Variants in CYB5RL observed in about 807,000 individuals in gnomAD.
CYB5RL encodes the protein cytochrome b5 reductase like, also known as NADH-cytochrome b5 reductase-like.
A neutral mutation model predicts 37.5 loss-of-function variants in CYB5RL; 38 were observed. The observed-to-expected ratio is 1.01, with a 90% CI of 0.78 to 1.33. The LOEUF is 1.33. Ranked by LOEUF, CYB5RL falls within the 40% of genes most tolerant of loss-of-function variation. The pLI is 0.00. For missense variants in CYB5RL, 388 were observed against 394.4 expected (o/e 0.98, Z 0.14); for synonymous variants, 141 against 151.9 (o/e 0.93, Z 0.53).
chr1:54,192,031 C>T (rs756027667), intron 3 of CYB5RL, among the ~76,000 whole-genome samples: 42 of 151,976 alleles, frequency 2.8e-4, no homozygotes, highest in Non-Finnish European at 5.0e-4. Context: ...AGATGAGATA[C>T]AATGTAAAAA....
intron 1 of CYB5RL, among the ~76,000 whole-genome samples, chr1:54,198,115 T>A (rs1446574578): frequency 6.6e-6 from 1 of 150,408 alleles, no homozygotes; most frequent in Non-Finnish European, 1.5e-5. Flanking sequence ...ATATGGAAGG[T>A]TCCCTATGAC....
At position 54,171,512 on chromosome 1, in the gene CYB5RL, C is replaced by T. The variant is rs188168895; in HGVS notation, c.*3107G>A. 6.8e-6 allele frequency: 3 copies of T among 442,120 alleles called. No homozygotes were observed. Among genetic ancestry groups the T allele is most frequent in the African/African-American group, 4.0e-5 (2 of 49,832 alleles). 27.4% of individuals were successfully genotyped at this position (442,120 alleles called of 1,614,324 possible). On this transcript the variant is annotated 3_prime_UTR_variant, in exon 8 of 8. Transcript: ENST00000534324. ...GTGACGTTGGTAAACATGGTGAGGG[C>T]TGAACTAAAGCCAATGCCGCTTCTG...
intron 3 of CYB5RL, among the ~76,000 whole-genome samples, chr1:54,192,207 T>TA (rs942030066): frequency 7.0e-6 from 1 of 142,512 alleles, no homozygotes; most frequent in African/African-American, 2.6e-5. Flanking sequence ...TTTTTTGAGA[T>TA]AGAGTCTCGC....
intron 6 of CYB5RL, among the ~76,000 whole-genome samples, chr1:54,182,649 A>G (rs2100465469): frequency 6.6e-6 from 1 of 152,300 alleles, no homozygotes; most frequent in African/African-American, 2.4e-5. Flanking sequence ...TTCTGGGTTC[A>G]AATGATTCTC....
chr1:54,174,066 A>G lies in CYB5RL; in HGVS notation c.*553T>C, dbSNP rs1413733711. ...CCAATACAAGACAGTCGAGGGCCCC[A>G]CCTTGCTCTCAGGATGTGGTCAAGT... On this transcript the variant is annotated 3_prime_UTR_variant, in exon 8 of 8. Transcript: ENST00000534324. 6.2e-6 allele frequency: 1 copy of G among 161,560 alleles called. No homozygotes were observed. Among genetic ancestry groups the G allele is most frequent in the African/African-American group, 2.4e-5 (1 of 41,636 alleles). The allele number at this position is 161,560 out of a possible 1,614,324, so 10.0% of individuals were successfully genotyped here. A position where few individuals can be genotyped will look rare whatever the true frequency, so the allele number is the denominator to read the frequency against.
At chr1:54,198,056 A>AAAAAAAAAAAG (rs1348276688) in intron 1 of CYB5RL, among the ~76,000 whole-genome samples, 1 of 138,542 alleles carries the variant, frequency 7.2e-6, no homozygotes. Context: ...AAAAAAAAAA[A>AAAAAAAAAAAG]GGGTGGTATC....
Position 54,179,320 on chromosome 1 carries a change from C to T in CYB5RL, c.573G>A (p.Thr191=), listed in dbSNP as rs201981542. The change falls in exon 7 of 8, where the codon ACG becomes ACA. Residue 191 remains threonine (T), a synonymous_variant. Coordinates refer to ENST00000534324, the MANE Select transcript of CYB5RL (RefSeq NM_001031672.4). ...YGELLLLAAG[T]GLAPMVPILQ... Reference sequence around the variant, plus strand: ...GGATAGGCACCATGGGGGCCAGGCCCGTGCCCGCAGCCAGCAAGAGGAGCT... The same window carrying T: ...GGATAGGCACCATGGGGGCCAGGCCTGTGCCCGCAGCCAGCAAGAGGAGCT... 3.0e-5 allele frequency: 49 copies of T among 1,613,448 alleles called. No individual in the cohort carries two copies. Among genetic ancestry groups the T allele is most frequent in the East Asian group, 6.7e-5 (3 of 44,888 alleles).
chr1:54,190,766 C>T lies in CYB5RL; in HGVS notation c.329G>A (p.Gly110Asp), dbSNP rs780299398. 6.4e-7 allele frequency: 1 copy of T among 1,554,606 alleles called. No individual in the cohort carries two copies. ...AGTGTACCGTAGGATGAGGTGCTGG[C>T]CGGGCCGCAGGCCAAGCTGGCTGTT... ...PGNSQLGLRPGQHLILRGIVD... is the reference protein window; with the variant it reads ...PGNSQLGLRPDQHLILRGIVD... Residue 110 changes from glycine (G) to aspartate (D), a missense_variant, in exon 4 of 8, where the codon GGC (glycine) becomes GAC (aspartate). Coordinates refer to ENST00000534324, the MANE Select transcript of CYB5RL (RefSeq NM_001031672.4).
At chr1:54,175,274 T>A (rs1031172846) in intron 7 of CYB5RL, among the ~76,000 whole-genome samples, 1 of 152,214 alleles carries the variant, frequency 6.6e-6, no homozygotes. Context: ...TAGCAGATAT[T>A]TACCAAGTGC....
At chr1:54,189,005 A>G (rs914198645) in intron 4 of CYB5RL, among the ~76,000 whole-genome samples, 8 of 152,168 alleles carry the variant, frequency 5.3e-5, no homozygotes, top group Non-Finnish European at 1.0e-4. Context: ...CAACATGGTG[A>G]AACCCCATCT....
intron 5 of CYB5RL, chr1:54,186,105 T>C (rs1643893929): frequency 6.5e-6 from 1 of 153,552 alleles, no homozygotes; most frequent in African/African-American, 2.4e-5. Context: ...CTCAGGTATG[T>C]CCTTATCAGC....
At chr1:54,193,292 A>G (rs1034554001) in intron 3 of CYB5RL, among the ~76,000 whole-genome samples, 4 of 152,350 alleles carry the variant, frequency 2.6e-5, no homozygotes, top group African/African-American at 7.2e-5. Flanking sequence ...CTTCTCTTCC[A>G]GAACTGATAT....
Position 54,190,197 on chromosome 1 carries a change from G to A in CYB5RL, c.347+551C>T, listed in dbSNP as rs556064234. Among the ~76,000 whole-genome samples the A allele has an allele frequency of 8.1e-4, 124 of 152,326 alleles. 1 individual carries two copies. Among genetic ancestry groups the A allele is most frequent in the African/African-American group, 3.0e-3 (124 of 41,576 alleles). On this transcript the variant is annotated intron_variant, in intron 4 of 7. Transcript: ENST00000534324. ...GCCTAAGTAGGCTGGGAGGAAGTAG[G>A]AACCTCAGAGGAGTGGTAAAGAGCG... is the stretch of plus-strand genomic sequence containing the variant.
rs1005846769 is a variant in CYB5RL at position 54,173,610 on chromosome 1, T to G, written c.*1009A>C. ...ATGGTGAAGAGTACATTTCTATGAC[T>G]ATAAAAGTCTAACTCTAAGATTCCA... On this transcript the variant is annotated 3_prime_UTR_variant, in exon 8 of 8. Transcript: ENST00000534324. 1.3e-5 allele frequency: 2 copies of G among 152,308 alleles called. No individual in the cohort carries two copies. Among genetic ancestry groups the G allele is most frequent in the Non-Finnish European group, 2.9e-5 (2 of 68,048 alleles). The allele number at this position is 152,308 out of a possible 1,614,324, so 9.4% of individuals were successfully genotyped here.
At chr1:54,180,234 C>CT (rs1400091960) in intron 6 of CYB5RL, 5 of 195,482 alleles carry the variant, frequency 2.6e-5, no homozygotes, top group Non-Finnish European at 1.9e-5. Flanking sequence ...AAGATTCCAT[C>CT]TAAAAAAAAA....
chr1:54,175,427 G>A lies in CYB5RL; in HGVS notation c.745-605C>T, dbSNP rs543880082. On this transcript the variant is annotated intron_variant, in intron 7 of 7. Transcript: ENST00000534324. Reference sequence around the variant, plus strand: ...CTAAGCTCGCATTCCAAGGCTGGACGGTGACCCCACGGACCCAGGATCCTT... The same window carrying A: ...CTAAGCTCGCATTCCAAGGCTGGACAGTGACCCCACGGACCCAGGATCCTT... The A allele has an allele frequency of 1.1e-4, 30 of 281,582 alleles. 1 individual carries two copies. The highest frequency in any genetic ancestry group is 2.1e-3 in the Middle Eastern group (2 of 970). The allele number at this position is 281,582 out of a possible 1,614,324, so 17.4% of individuals were successfully genotyped here.
At chr1:54,181,048 T>C (rs1225039145) in intron 6 of CYB5RL, among the ~76,000 whole-genome samples, 3 of 152,116 alleles carry the variant, frequency 2.0e-5, no homozygotes. Context: ...AAAAGAAAAC[T>C]GCCTGGTGCA....
intron 3 of CYB5RL, among the ~76,000 whole-genome samples, chr1:54,191,249 C>T (rs903956176): frequency 6.6e-6 from 1 of 152,204 alleles, no homozygotes; most frequent in African/African-American, 2.4e-5. Flanking sequence ...CAAGAACACC[C>T]TGCTGCCTCC....
At chr1:54,198,923 A>C (rs1644046045) in intron 1 of CYB5RL, among the ~76,000 whole-genome samples, 1 of 152,106 alleles carries the variant, frequency 6.6e-6, no homozygotes, top group Non-Finnish European at 1.5e-5. Flanking sequence ...GGTGTGAACG[A>C]TGACTGTAGG....
Sources: gnomAD v4.1 joint callset for allele counts (sites outside exome capture counted in the v4.1 genomes callset) on GRCh38, gnomAD v4.1.1 for gene constraint, MANE v1.5 for transcripts, NCBI Gene and HGNC (gene_info 2026-07-23, HGNC 2026-07-21) for gene names.